Variants in ARHGEF28 observed in about 807,000 individuals in gnomAD.
ARHGEF28 encodes 190 kDa guanine nucleotide exchange factor.
Under a neutral mutation model 206.6 loss-of-function variants are expected in ARHGEF28, and 152 were observed. The observed-to-expected ratio is 0.74, with a 90% CI of 0.64 to 0.84. The LOEUF (loss-of-function observed/expected upper bound fraction) is 0.84, where lower values mean the gene tolerates loss of function less well. Among genes scored for constraint, ARHGEF28 ranks in the 40% least tolerant of loss-of-function variants. The pLI, the probability that ARHGEF28 is intolerant of heterozygous loss-of-function variation, is 0.00. For missense variants in ARHGEF28, 2,028 were observed against 2,073.2 expected (o/e 0.98, Z 0.42); for synonymous variants, 763 against 776.4 (o/e 0.98, Z 0.29).
Position 73,846,453 on chromosome 5 carries a change from T to C in ARHGEF28, c.1613T>C (p.Leu538Pro). The change falls in exon 12 of 36, where the codon CTA becomes CCA. Residue 538 changes from leucine (L) to proline (P), a missense_variant. Coordinates refer to ENST00000513042, the MANE Select transcript of ARHGEF28 (RefSeq NM_001177693.2). ...FNISRAESLP[L>P]SSNLQSKESL... ...ATCTCCAGGGCTGAATCCCTTCCTC[T>C]ATCAAGTAATCTACAGTCGAAGGTA... is the stretch of plus-strand genomic sequence containing the variant. 2 of 1,613,876 alleles carry C rather than the reference T, an allele frequency of 1.2e-6. No homozygotes were observed. The highest frequency in any genetic ancestry group is 1.7e-6 in the Non-Finnish European group (2 of 1,179,762).
intron 33 of ARHGEF28, 179 bp from the exon 34 acceptor site, chr5:73,909,233 C>G (rs1762723212): frequency 1.2e-6 from 1 of 813,318 alleles, no homozygotes. Flanking sequence ...CAGATGTAGA[C>G]ACACCTCTCT....
At chr5:73,918,139 G>A (rs1402287768) in intron 35 of ARHGEF28, among the ~76,000 whole-genome samples, 1 of 152,190 alleles carries the variant, frequency 6.6e-6, no homozygotes, top group Non-Finnish European at 1.5e-5. Context: ...ATTTATGTTT[G>A]CCTAAGAAGA....
At chr5:73,782,917 A>G (rs1037130406) in intron 7 of ARHGEF28, among the ~76,000 whole-genome samples, 2 of 152,086 alleles carry the variant, frequency 1.3e-5, no homozygotes, top group Non-Finnish European at 2.9e-5. Flanking sequence ...CATTTTTTAT[A>G]TTACCTTGTT....
chr5:73,889,747 G>A (rs941437940), intron 26 of ARHGEF28, among the ~76,000 whole-genome samples: 7 of 152,230 alleles, frequency 4.6e-5, no homozygotes, highest in Non-Finnish European at 1.0e-4. Flanking sequence ...GTGATTGAGT[G>A]AATGTGATAG....
rs115164410 is a variant in ARHGEF28, at chr5:73,785,088, A to G, written c.910+4343A>G. Among the ~76,000 whole-genome samples the G allele has an allele frequency of 7.5e-3, 1,139 of 152,298 alleles. 22 individuals carry two copies. The highest frequency in any genetic ancestry group is 0.025 in the African/African-American group (1,059 of 41,548). The stretch of plus-strand genomic sequence containing the variant: ...GTCTGCAATTTAAAAAAATGTAGGA[A>G]TTATTTCTGGAATTTTCTATTTAGT... On this transcript the variant is annotated intron_variant, in intron 7 of 35. Coordinates refer to ENST00000513042, the MANE Select transcript of ARHGEF28 (RefSeq NM_001177693.2).
intron 7 of ARHGEF28, among the ~76,000 whole-genome samples, chr5:73,789,670 T>A (rs1754352324): frequency 6.6e-6 from 1 of 152,006 alleles, no homozygotes; most frequent in Non-Finnish European, 1.5e-5. Flanking sequence ...TTTTTCCAAG[T>A]TTTTATTTAT....
chr5:73,891,777 G>A (rs970905681), intron 26 of ARHGEF28, among the ~76,000 whole-genome samples: 4 of 151,996 alleles, frequency 2.6e-5, no homozygotes, highest in South Asian at 4.2e-4. Flanking sequence ...CACCTGCCTC[G>A]GCCTCCCAAA....
In ARHGEF28 at chr5:73,909,632, A is replaced by C. The variant is rs1445565731; in HGVS notation, c.4382A>C (p.Gln1461Pro). 6.5e-7 allele frequency: 1 copy of C among 1,550,082 alleles called. No individual in the cohort carries two copies. Among genetic ancestry groups the C allele is most frequent in the South Asian group, 1.2e-5 (1 of 84,130 alleles). Reference sequence around the variant, plus strand: ...CGCTGGCTGCGCAGGTGTGAGCAGCAGCAGCGGGCGCAGGCGACCAGGGAG... The same window carrying C: ...CGCTGGCTGCGCAGGTGTGAGCAGCCGCAGCGGGCGCAGGCGACCAGGGAG... The part of the protein sequence containing the change: ...QRRWLRRCEQ[Q>P]QRAQATRESW... The change falls in exon 34 of 36, where the codon CAG becomes CCG. Residue 1461 changes from glutamine (Q) to proline (P), a missense_variant. By Grantham distance (76) the Gln-to-Pro change is moderately conservative (BLOSUM62 -1). This residue lies in a region of ARHGEF28 where 803 missense variants were observed against 768.0 expected (regional missense o/e 1.05). Transcript: ENST00000513042.
chr5:73,728,535 A>G (rs1157733588), intron 2 of ARHGEF28, among the ~76,000 whole-genome samples: 1 of 152,250 alleles, frequency 6.6e-6, no homozygotes, highest in Non-Finnish European at 1.5e-5. Context: ...GCCCTCTTTT[A>G]ACTTATCACC....
chr5:73,708,309 A>G (rs111739490), intron 2 of ARHGEF28, among the ~76,000 whole-genome samples: 18 of 152,158 alleles, frequency 1.2e-4, no homozygotes, highest in African/African-American at 4.1e-4. Context: ...CCAGACACTG[A>G]GCATAGTAGC....
intron 1 of ARHGEF28, among the ~76,000 whole-genome samples, chr5:73,683,687 T>G (rs750347): frequency 0.19 from 28,983 of 151,404 alleles, 3,064 homozygotes; most frequent in Non-Finnish European, 0.24. Context: ...AGCTTGACAG[T>G]GGGCTGCATC....
chr5:73,934,104 T>C (rs1275571118), intron 35 of ARHGEF28, among the ~76,000 whole-genome samples: 8 of 152,198 alleles, frequency 5.3e-5, no homozygotes, highest in Non-Finnish European at 2.9e-5. Flanking sequence ...ATTAAATGCC[T>C]CTTGAGTCAT....
At chr5:73,869,988 G>A in intron 20 of ARHGEF28, 81 bp from the exon 21 acceptor site, 2 of 1,484,188 alleles carry the variant, frequency 1.3e-6, no homozygotes, top group Non-Finnish European at 1.8e-6. Context: ...TTTAGGGTGA[G>A]GAATCCATAG....
At chr5:73,684,787 C>T (rs1473185369) in intron 1 of ARHGEF28, 54 bp from the exon 2 acceptor site, 28 of 1,525,858 alleles carry the variant, frequency 1.8e-5, no homozygotes, top group Middle Eastern at 4.0e-4. Flanking sequence ...CTCTGCTGGT[C>T]GGTTCCATGG....
intron 2 of ARHGEF28, among the ~76,000 whole-genome samples, chr5:73,729,150 C>G (rs905648885): frequency 6.6e-6 from 1 of 152,120 alleles, no homozygotes. Flanking sequence ...GACTGCCTGG[C>G]TCAGCCTCCT....
At chr5:73,754,840 G>T (rs1160686171) in intron 4 of ARHGEF28, among the ~76,000 whole-genome samples, 1 of 151,550 alleles carries the variant, frequency 6.6e-6, no homozygotes, top group African/African-American at 2.4e-5. Context: ...AAGATTATAG[G>T]TGTATGTCAC....
intron 14 of ARHGEF28, among the ~76,000 whole-genome samples, chr5:73,854,108 G>A (rs1051601958): frequency 4.6e-5 from 7 of 151,794 alleles, no homozygotes; most frequent in Non-Finnish European, 1.0e-4. Context: ...TCAGTCATAT[G>A]CCTTGGTGTA....
At chr5:73,757,529 A>G (rs758601074) in intron 4 of ARHGEF28, among the ~76,000 whole-genome samples, 2 of 152,094 alleles carry the variant, frequency 1.3e-5, no homozygotes, top group Non-Finnish European at 2.9e-5. Context: ...TCCCTTGTCA[A>G]TCATTGAGAG....
At chr5:73,876,094 A>C (rs985570515) in intron 22 of ARHGEF28, among the ~76,000 whole-genome samples, 6 of 148,824 alleles carry the variant, frequency 4.0e-5, no homozygotes, top group East Asian at 3.9e-4. Flanking sequence ...CTTTTATTTC[A>C]TTGAGCAGTG....
Sources: gnomAD v4.1 joint callset for allele counts (sites outside exome capture counted in the v4.1 genomes callset) on GRCh38, gnomAD v4.1.1 for gene constraint, gnomAD v4.1.1 regional missense constraint, MANE v1.5 for transcripts, NCBI Gene and HGNC (gene_info 2026-07-23, HGNC 2026-07-21) for gene names.